The following PGLYRP4 variants were observed in gnomAD, a reference collection of about 807,000 sequenced individuals.
PGLYRP4 encodes the protein peptidoglycan recognition protein 4, also known as PGRP-I-beta.
PGLYRP4 carries 39 observed loss-of-function variants against 41.2 expected under a neutral mutation model. That is an observed-to-expected ratio of 0.95 (90% CI 0.73 to 1.24). The LOEUF (loss-of-function observed/expected upper bound fraction) is 1.24, where lower values mean the gene tolerates loss of function less well. Among genes scored for constraint, PGLYRP4 ranks in the 50% most tolerant of loss-of-function variants. The pLI, the probability that PGLYRP4 is intolerant of heterozygous loss-of-function variation, is 0.00. For synonymous variants in PGLYRP4, 202 were observed against 186.8 expected, an observed-to-expected ratio of 1.08 and a Z score of -0.66; for missense variants, 467 against 460.7, an observed-to-expected ratio of 1.01 and a Z score of -0.13.
chr1:153,334,468 T>TATATATATATTTTTATATATATA (rs1275488427), intron 8 of PGLYRP4, among the ~76,000 whole-genome samples: 6,220 of 142,422 alleles, frequency 0.044, 184 homozygotes, highest in Non-Finnish European at 0.056. Flanking sequence ...ATATATTTAT[T>TATATATATATTTTTATATATATA]TATATATATT....
At chr1:153,338,144 T>A (rs1192473406) in intron 7 of PGLYRP4, among the ~76,000 whole-genome samples, 4 of 152,196 alleles carry the variant, frequency 2.6e-5, no homozygotes, top group Non-Finnish European at 5.9e-5. Flanking sequence ...ATCCCCATCT[T>A]GGTGAAAGGC....
chr1:153,331,145 G>A (rs1439845296), intron 8 of PGLYRP4, among the ~76,000 whole-genome samples, 200 bp from the exon 9 acceptor site: 1 of 152,180 alleles, frequency 6.6e-6, no homozygotes, highest in African/African-American at 2.4e-5. Context: ...CCAAGCCTGG[G>A]ATAATAAATT....
At chr1:153,342,950 A>C in intron 5 of PGLYRP4, 140 bp downstream of exon 5, 4 of 556,736 alleles carry the variant, frequency 7.2e-6, no homozygotes, top group Non-Finnish European at 1.3e-5. Context: ...GAAGAAGAAA[A>C]TTCCAAGAGA....
Position 153,345,381 on chromosome 1 carries a change from G to C in PGLYRP4, c.141C>G (p.Gly47=). ...CCGTGGTGGAGACATCTGTGGGAAG[G>C]CCTTGGGGACGTCACTCAGCGCACC... ...FENISQLTEK[G]LPTDVSTTVS... is the part of the protein sequence containing the mutation. The change falls in exon 4 of 9, where the codon GGC becomes GGG. Residue 47 remains glycine (G), a splice_region_variant and synonymous_variant. Transcript: ENST00000359650. 6.2e-7 allele frequency: 1 copy of C among 1,613,866 alleles called. No individual in the cohort carries two copies.
chr1:153,340,518 C>A lies in PGLYRP4; in HGVS notation c.687G>T (p.Met229Ile), dbSNP rs1660751413. The A allele has an allele frequency of 5.6e-6, 9 of 1,614,176 alleles. No individual in the cohort carries two copies. Among genetic ancestry groups the A allele is most frequent in the Non-Finnish European group, 7.6e-6 (9 of 1,180,022 alleles). The change falls in exon 7 of 9, where the codon ATG (methionine) becomes ATT (isoleucine). Residue 229 changes from methionine to isoleucine, a missense_variant. Transcript: ENST00000359650. ...TGATGCCATACTTCGCTGGGAGAGT[C>A]ATCCTGGGACAGTGGGTCTCCCTGG... ...WGARETHCPR[M>I]TLPAKYGIII...
At chr1:153,336,055 T>C (rs1282455796) in intron 8 of PGLYRP4, among the ~76,000 whole-genome samples, 2 of 151,462 alleles carry the variant, frequency 1.3e-5, no homozygotes, top group Non-Finnish European at 2.9e-5. Flanking sequence ...CGTGTGTGTG[T>C]GTGTGTGTGT....
At chr1:153,336,086 T>A (rs1392919095) in intron 8 of PGLYRP4, among the ~76,000 whole-genome samples, 1 of 151,634 alleles carries the variant, frequency 6.6e-6, no homozygotes, top group Non-Finnish European at 1.5e-5. Flanking sequence ...CATAGAATAC[T>A]ATTCAGCCAT....
rs148300800 is a variant in PGLYRP4, at chr1:153,340,448, G to T, written c.757C>A (p.Arg253Ser). 9 of 1,614,082 alleles carry T rather than the reference G, an allele frequency of 5.6e-6. No individual in the cohort carries two copies. In the South Asian group the frequency reaches 9.9e-5, roughly 18 times the overall value. Residue 253 changes from arginine to serine, a missense_variant, in exon 7 of 9, where the codon CGC becomes AGC. Coordinates refer to ENST00000359650, the MANE Select transcript of PGLYRP4 (RefSeq NM_020393.4). ...GRTCNISDEC[R>S]LLVRDIQSFY... The stretch of plus-strand genomic sequence containing the variant: ...GACTGGATGTCCCGGACCAGCAGGC[G>T]GCACTCATCAGAAATGTTGCAGGTC...
In PGLYRP4 at chr1:153,346,149, T is replaced by G. The variant is rs765721202; in HGVS notation, c.92A>C (p.Glu31Ala). ...GTTCTCAAATAGGTACTGGAGCCCC[T>G]CTGATACCTGTTTAGCTTGTGTTTT... ...WNKTQAKQVSEGLQYLFENIS... is the reference protein window; with the variant it reads ...WNKTQAKQVSAGLQYLFENIS... The change falls in exon 3 of 9, where the codon GAG (glutamate) becomes GCG (alanine). Residue 31 changes from glutamate (E) to alanine (A), a missense_variant. By Grantham distance (107) the Glu-to-Ala change is moderately radical. Coordinates refer to ENST00000359650, the MANE Select transcript of PGLYRP4 (RefSeq NM_020393.4). 17 of 1,613,982 alleles carry G rather than the reference T, an allele frequency of 1.1e-5. No individual in the cohort carries two copies. The highest frequency in any genetic ancestry group is 1.4e-5 in the Non-Finnish European group (16 of 1,179,934).
chr1:153,344,116 C>T (rs1221283108), intron 4 of PGLYRP4, among the ~76,000 whole-genome samples: 1 of 152,210 alleles, frequency 6.6e-6, no homozygotes, highest in African/African-American at 2.4e-5. Context: ...CTCTGATAAA[C>T]TCTCCCACCC....
At chr1:153,332,058 T>G (rs1351112725) in intron 8 of PGLYRP4, among the ~76,000 whole-genome samples, 1 of 152,202 alleles carries the variant, frequency 6.6e-6, no homozygotes, top group East Asian at 1.9e-4. Flanking sequence ...AACTGTATGC[T>G]GCTTACAAGA....
chr1:153,345,642 G>A (rs1412596229), intron 3 of PGLYRP4, among the ~76,000 whole-genome samples: 1 of 152,184 alleles, frequency 6.6e-6, no homozygotes, highest in African/African-American at 2.4e-5. Context: ...CTGTGGTCCA[G>A]GCTCTGCACT....
chr1:153,346,513 C>A (rs1042674860), intron 2 of PGLYRP4, among the ~76,000 whole-genome samples: 1 of 151,588 alleles, frequency 6.6e-6, no homozygotes, highest in Non-Finnish European at 1.5e-5. Context: ...TCAGACACTT[C>A]AAAACCACAA....
chr1:153,336,520 G>A (rs2101558426), intron 8 of PGLYRP4, among the ~76,000 whole-genome samples: 1 of 152,046 alleles, frequency 6.6e-6, no homozygotes, highest in South Asian at 2.1e-4. Flanking sequence ...ATAAGTGAAA[G>A]CTAAACAATG....
intron 5 of PGLYRP4, among the ~76,000 whole-genome samples, chr1:153,342,725 C>T (rs768338584): frequency 8.6e-5 from 13 of 151,996 alleles, no homozygotes; most frequent in Non-Finnish European, 1.5e-4. Flanking sequence ...AAAGCATGGC[C>T]CACAGCCACA....
rs142836878 is a variant in PGLYRP4 at position 153,340,519 on chromosome 1, A to T, written c.686T>A (p.Met229Lys). 13 of 1,614,056 alleles carry T rather than the reference A, an allele frequency of 8.1e-6. No individual in the cohort carries two copies. The highest frequency in any genetic ancestry group is 4.0e-5 in the African/African-American group (3 of 74,922). The change falls in exon 7 of 9, where the codon ATG becomes AAG. Residue 229 changes from methionine (M) to lysine (K), a missense_variant. Met to Lys is a moderately conservative substitution (Grantham distance 95). Transcript: ENST00000359650. Reference protein sequence around the residue: ...WGARETHCPRMTLPAKYGIII... With the variant: ...WGARETHCPRKTLPAKYGIII... ...GATGCCATACTTCGCTGGGAGAGTC[A>T]TCCTGGGACAGTGGGTCTCCCTGGC... is the stretch of plus-strand genomic sequence containing the variant.
At chr1:153,342,921 T>C (rs904855591) in intron 5 of PGLYRP4, among the ~76,000 whole-genome samples, 169 bp downstream of exon 5, 1 of 152,184 alleles carries the variant, frequency 6.6e-6, no homozygotes, top group Non-Finnish European at 1.5e-5. Flanking sequence ...CTTCACAAAG[T>C]CATTTCCTGG....
intron 4 of PGLYRP4, among the ~76,000 whole-genome samples, chr1:153,344,712 G>A (rs763678194): frequency 6.6e-6 from 1 of 152,200 alleles, no homozygotes; most frequent in African/African-American, 2.4e-5. Context: ...CATGTGTGTG[G>A]TGTGGAGGAG....
At chr1:153,347,683 G>C (rs2916207) in intron 2 of PGLYRP4, among the ~76,000 whole-genome samples, 126,236 of 152,012 alleles carry the variant, frequency 0.83, 52,579 homozygotes, top group East Asian at 0.88. Flanking sequence ...AGAGAGAGTA[G>C]TTTTTTTTGT....
Sources: allele counts gnomAD v4.1 joint callset (sites outside exome capture counted in the v4.1 genomes callset), GRCh38; gene constraint gnomAD v4.1.1; transcripts MANE v1.5; gene names NCBI Gene and HGNC (gene_info 2026-07-23, HGNC 2026-07-21).